LCN6: variants seen among roughly 807,000 people sequenced by gnomAD.
LCN6 encodes the protein lipocalin 6, also known as epididymal-specific lipocalin-6.
LCN6 carries 20 observed loss-of-function variants against 21.4 expected under a neutral mutation model. The ratio of observed to expected loss-of-function variants is 0.93; its 90% CI spans 0.66 to 1.36. LCN6 has a LOEUF of 1.36. LCN6 is among the 40% of genes most tolerant of loss of function. The pLI, the probability that LCN6 is intolerant of heterozygous loss-of-function variation, is 0.00. For synonymous variants in LCN6, 96 were observed against 89.0 expected (o/e 1.08, Z -0.44); for missense variants, 217 against 206.6 (o/e 1.05, Z -0.31).
intron 3 of LCN6, chr9:136,745,537 C>T (rs1432351822): frequency 1.4e-5 from 8 of 587,200 alleles, no homozygotes; most frequent in Admixed American, 1.2e-4. Flanking sequence ...CAGGTGTGAA[C>T]GAGGAGCGGC....
chr9:136,744,484 G>A lies in LCN6; in HGVS notation c.*23-120C>T. The A allele has an allele frequency of 3.7e-6, 2 of 541,030 alleles. No homozygotes were observed. Among genetic ancestry groups the A allele is most frequent in the Non-Finnish European group, 6.7e-6 (2 of 297,542 alleles). 33.5% of individuals were successfully genotyped at this position (541,030 alleles called of 1,614,324 possible). A position where few individuals can be genotyped will look rare whatever the true frequency, so the allele number is the denominator to read the frequency against. On this transcript the variant is annotated intron_variant, in intron 5 of 6. Transcript: ENST00000341206. The surrounding 1 kb of genome is among the most constrained non-coding windows in gnomAD (Gnocchi z 4.2). ...CCCCCAGGCCTGACTTTGGGCAGGG[G>A]CAGGTGAAGACCCCCTCAGCCTGCC... is the stretch of plus-strand genomic sequence containing the variant.
chr9:136,747,480 C>G lies in LCN6; in HGVS notation c.174G>C (p.Gly58=), dbSNP rs765831662. 1.2e-6 allele frequency: 2 copies of G among 1,613,576 alleles called. No homozygotes were observed. The highest frequency in any genetic ancestry group is 3.3e-5 in the Admixed American group (2 of 59,988). Residue 58 remains glycine (G), a synonymous_variant, in exon 2 of 7, where the codon GGG becomes GGC. Transcript: ENST00000341206. The part of the protein sequence containing the change: ...AMEKDMKNVV[G]VVVTLTPENN... ...TTTCTGGAGTGAGGGTCACCACCAC[C>G]CCCACGACGTTCTTCATGTCCTTCT...
In LCN6 at chr9:136,748,168, C is replaced by A. The variant is rs1588303131; in HGVS notation, c.90+226G>T. ...CCTACACCCTCCAGCCCTGCAACCT[C>A]CAGTCTCCAGCCTCCAATTCTCCAG... is the stretch of plus-strand genomic sequence containing the variant. On this transcript the variant is annotated intron_variant, in intron 1 of 6. Coordinates refer to ENST00000341206, the MANE Select transcript of LCN6 (RefSeq NM_198946.3). Among the ~76,000 whole-genome samples the A allele has an allele frequency of 5.3e-5, 8 of 151,948 alleles. No individual in the cohort carries two copies. In the South Asian group the frequency reaches 1.7e-3, roughly 32 times the overall value.
intron 3 of LCN6, 154 bp from the exon 4 acceptor site, chr9:136,745,434 C>CT: frequency 1.6e-6 from 1 of 624,614 alleles, no homozygotes. Flanking sequence ...AGCCCCCAAG[C>CT]TTTGTCCCCC....
Position 136,745,285 on chromosome 9 carries a change from G to C in LCN6, c.302-5C>G, listed in dbSNP as rs1445635471. ...AGAGCTCCAGCACGCCTATTGCTAG[G>C]AAACAAAACCCCCCGCCTCAGGGGA... On this transcript the variant is annotated splice_polypyrimidine_tract_variant and splice_region_variant and intron_variant, in intron 3 of 6. Transcript: ENST00000341206. 10 of 1,601,888 alleles carry C rather than the reference G, an allele frequency of 6.2e-6. No homozygotes were observed. The highest frequency in any genetic ancestry group is 8.5e-6 in the Non-Finnish European group (10 of 1,169,596).
intron 3 of LCN6, 90 bp downstream of exon 3, chr9:136,745,754 G>T: frequency 8.9e-7 from 1 of 1,124,620 alleles, no homozygotes; most frequent in Non-Finnish European, 1.4e-6. Flanking sequence ...GCTCTCGGGA[G>T]CGGAGTCAGC....
At chr9:136,746,650 C>T (rs925438248) in intron 2 of LCN6, among the ~76,000 whole-genome samples, 2 of 152,128 alleles carry the variant, frequency 1.3e-5, no homozygotes, top group Non-Finnish European at 2.9e-5. Context: ...CCTGCCCATA[C>T]CCTGCAGGCG....
intron 3 of LCN6, 81 bp downstream of exon 3, chr9:136,745,763 G>A: frequency 4.7e-6 from 6 of 1,272,250 alleles, no homozygotes; most frequent in South Asian, 1.2e-5. Context: ...AGCGGAGTCA[G>A]CCCTCCGTCC....
rs761868014 is a variant in LCN6 at position 136,747,450 on chromosome 9, G to C, written c.204C>G (p.Asn68Lys). The change falls in exon 2 of 7, where the codon AAC (asparagine) becomes AAG (lysine). Residue 68 changes from asparagine (N) to lysine (K), a missense_variant. By Grantham distance (94) the Asn-to-Lys change is moderately conservative. Transcript: ENST00000341206. ...GVVVTLTPENNLRTLSSQHGL... is the reference protein window; with the variant it reads ...GVVVTLTPENKLRTLSSQHGL... ...CGTGCTGAGAGGACAGCGTCCGCAG[G>C]TTGTTTTCTGGAGTGAGGGTCACCA... The C allele has an allele frequency of 1.2e-6, 2 of 1,613,594 alleles. No homozygotes were observed. Among genetic ancestry groups the C allele is most frequent in the Admixed American group, 3.3e-5 (2 of 60,012 alleles).
At chr9:136,745,326 C>T in intron 3 of LCN6, 46 bp from the exon 4 acceptor site, 1 of 1,336,842 alleles carries the variant, frequency 7.5e-7, no homozygotes, top group Non-Finnish European at 1.1e-6. Flanking sequence ...GCTGCTGTAT[C>T]CATCCAGGGG....
chr9:136,745,557 C>G (rs1019670226), intron 3 of LCN6: 2 of 590,972 alleles, frequency 3.4e-6, no homozygotes, highest in African/African-American at 1.9e-5. Context: ...CTGGGTCACA[C>G]CAGCCCAGCC....
intron 1 of LCN6, 81 bp downstream of exon 1, chr9:136,748,313 G>C (rs1847077708): frequency 1.6e-6 from 2 of 1,265,158 alleles, no homozygotes. Context: ...GGCTAGCCCT[G>C]GGGGGCCCAG....
Position 136,744,704 on chromosome 9 carries a change from G to T in LCN6, c.450C>A (p.Leu150=). The T allele has an allele frequency of 6.2e-7, 1 of 1,610,844 alleles. No individual in the cohort carries two copies. The highest frequency in any genetic ancestry group is 8.5e-7 in the Non-Finnish European group (1 of 1,178,476). The change falls in exon 5 of 7, where the codon CTC becomes CTA. Residue 150 remains leucine (L), a synonymous_variant. Coordinates refer to ENST00000341206, the MANE Select transcript of LCN6 (RefSeq NM_198946.3). The surrounding 1 kb of genome is among the most constrained non-coding windows in gnomAD (Gnocchi z 4.2). ...CCAGGCTCCTGCTCCACTTGGTGAA[G>T]AGCCCCATGGCCTCCTGGCTGGCTG... The part of the protein sequence containing the change: ...TETASQEAMG[L]FTKWSRSLGF...
At chr9:136,746,220 G>A (rs950554174) in intron 2 of LCN6, among the ~76,000 whole-genome samples, 4 of 147,084 alleles carry the variant, frequency 2.7e-5, no homozygotes, top group Non-Finnish European at 6.0e-5. Flanking sequence ...GCGACTCGGG[G>A]GAAAGATGGG....
Position 136,748,491 on chromosome 9 carries a change from G to C in LCN6, c.-8C>G. The C allele has an allele frequency of 2.5e-6, 4 of 1,612,394 alleles. No homozygotes were observed. The highest frequency in any genetic ancestry group is 1.3e-5 in the African/African-American group (1 of 75,002). On this transcript the variant is annotated 5_prime_UTR_variant, in exon 1 of 7. Transcript: ENST00000341206. ...CAGCAGCAGGCCGCCCATCCTCCCA[G>C]GTCTACACTGCGCCGCAGGCCCAGG... is the stretch of plus-strand genomic sequence containing the variant.
chr9:136,745,329 T>C (rs778067134), intron 3 of LCN6, 49 bp from the exon 4 acceptor site: 2 of 1,311,074 alleles, frequency 1.5e-6, no homozygotes, highest in African/African-American at 1.5e-5. Flanking sequence ...GCTGTATCCA[T>C]CCAGGGGCCG....
chr9:136,745,759 G>T, intron 3 of LCN6, 85 bp downstream of exon 3: 1 of 1,223,046 alleles, frequency 8.2e-7, no homozygotes, highest in Non-Finnish European at 1.2e-6. Flanking sequence ...CGGGAGCGGA[G>T]TCAGCCCTCC....
Position 136,747,538 on chromosome 9 carries a change from G to A in LCN6, c.116C>T (p.Ala39Val), listed in dbSNP as rs188989063. 251 of 1,612,316 alleles carry A rather than the reference G, an allele frequency of 1.6e-4. 1 individual carries two copies. The Admixed American group carries it at 3.9e-3, about 25-fold the overall frequency. ...AAAGCCCTTTTCCCGGGAGGCCACC[G>A]CAAGCACGTACCAGGGCCCAAGAAG... ...EQLLGPWYVL[A>V]VASREKGFAM... The change falls in exon 2 of 7, where the codon GCG (alanine) becomes GTG (valine). Residue 39 changes from alanine to valine, a missense_variant. Ala to Val is a moderately conservative substitution (Grantham distance 64). Transcript: ENST00000341206.
Position 136,744,762 on chromosome 9 carries a change from C to G in LCN6, c.413-21G>C, listed in dbSNP as rs570083388. Reference sequence around the variant, plus strand: ...CAGACCTGGGGGCACCAGGGCAGTGCAGGGGGAAGCAACCTCTGAGAGCTG... The same window carrying G: ...CAGACCTGGGGGCACCAGGGCAGTGGAGGGGGAAGCAACCTCTGAGAGCTG... On this transcript the variant is annotated intron_variant, in intron 4 of 6. Coordinates refer to ENST00000341206, the MANE Select transcript of LCN6 (RefSeq NM_198946.3). This position sits in a 1 kb window ranked among gnomAD's most constrained non-coding sequence, Gnocchi z 4.2. 1 of 1,576,494 alleles carries G rather than the reference C, an allele frequency of 6.3e-7. No individual in the cohort carries two copies. The highest frequency in any genetic ancestry group is 1.1e-5 in the South Asian group (1 of 89,036).
Sources: allele counts gnomAD v4.1 joint callset (sites outside exome capture counted in the v4.1 genomes callset), GRCh38; gene constraint gnomAD v4.1.1; non-coding constraint Gnocchi (gnomAD v3.1); transcripts MANE v1.5; gene names NCBI Gene and HGNC (gene_info 2026-07-23, HGNC 2026-07-21).